LRP1B: variants seen among roughly 807,000 people sequenced by gnomAD.
LRP1B encodes LDL receptor related protein 1B, also known as low-density lipoprotein receptor-related protein 1B.
Under a neutral mutation model 556.6 loss-of-function variants are expected in LRP1B, and 217 were observed. The observed-to-expected ratio is 0.39, with a 90% confidence interval of 0.35 to 0.44. The LOEUF is 0.44. Ranked by LOEUF, LRP1B falls within the 20% of genes least tolerant of loss-of-function variation. The pLI, the probability that LRP1B is intolerant of heterozygous loss-of-function variation, is 1.00. For synonymous variants in LRP1B, 2,047 were observed against 1,865.8 expected (o/e 1.10, Z -2.50); for missense variants, 5,053 against 5,620.8 (o/e 0.90, Z 3.23).
intron 6 of LRP1B, among the ~76,000 whole-genome samples, chr2:141,212,464 T>C (rs1458851814): frequency 1.3e-5 from 2 of 150,716 alleles, no homozygotes; most frequent in East Asian, 3.9e-4. Flanking sequence ...TTTTTGTATT[T>C]TAGTAGGGAC....
intron 66 of LRP1B, among the ~76,000 whole-genome samples, chr2:140,412,403 A>T (rs1387524942): frequency 6.6e-6 from 1 of 152,078 alleles, no homozygotes; most frequent in East Asian, 1.9e-4. Flanking sequence ...TCTTAAATGG[A>T]CTAGATATAT....
At chr2:141,404,941 A>G (rs539443800) in intron 3 of LRP1B, among the ~76,000 whole-genome samples, 88 of 152,130 alleles carry the variant, frequency 5.8e-4, no homozygotes, top group Middle Eastern at 6.8e-3. Context: ...CACGAAGAAT[A>G]GTTAGCTGGG....
intron 32 of LRP1B, among the ~76,000 whole-genome samples, chr2:140,803,962 A>G (rs1690619433): frequency 6.6e-6 from 1 of 150,396 alleles, no homozygotes; most frequent in Non-Finnish European, 1.5e-5. Context: ...TGAGAGAAGA[A>G]AAGGTAGGGA....
At chr2:140,527,683 GT>G (rs5834754) in intron 47 of LRP1B, among the ~76,000 whole-genome samples, 150,079 of 151,762 alleles carry the variant, frequency 0.99, 74,223 homozygotes, top group Middle Eastern at 1. Flanking sequence ...ACGGAAAAAA[GT>G]TTTTTTTCTT....
chr2:141,536,843 G>T (rs1324317613), intron 2 of LRP1B, among the ~76,000 whole-genome samples: 1 of 151,888 alleles, frequency 6.6e-6, no homozygotes, highest in Non-Finnish European at 1.5e-5. Flanking sequence ...TATTTAATTA[G>T]AATCAATGAA....
rs529047674 is a variant in LRP1B at position 140,311,385 on chromosome 2, A to G, written c.12805+3550T>C. ...ATAAAATCATGTTTTTTGTAGTAAC[A>G]TGGATGAAACTGAAGGCCATTATCT... On this transcript the variant is annotated intron_variant, in intron 83 of 90. Coordinates refer to ENST00000389484, the MANE Select transcript of LRP1B (RefSeq NM_018557.3). 4.6e-5 allele frequency among the ~76,000 whole-genome samples: 7 copies of G among 152,002 alleles called. No individual in the cohort carries two copies. The East Asian group carries it at 1.2e-3, about 25-fold the overall frequency.
At chr2:140,663,635 G>A (rs1230921009) in intron 41 of LRP1B, among the ~76,000 whole-genome samples, 1 of 152,120 alleles carries the variant, frequency 6.6e-6, no homozygotes, top group Admixed American at 6.5e-5. Context: ...TGGGAATGTC[G>A]TGGCTGGTTT....
At chr2:141,782,734 T>C (rs374402519) in intron 2 of LRP1B, among the ~76,000 whole-genome samples, 1 of 152,006 alleles carries the variant, frequency 6.6e-6, no homozygotes. Flanking sequence ...GAGCATATGG[T>C]CAATGAGGAA....
Position 141,726,310 on chromosome 2 carries a change from A to C in LRP1B, c.205+83969T>G, listed in dbSNP as rs921285980. ...TTAATTATTATAATCTCTGGGTAAG[A>C]GGTAATTTTAAAAAAAAATTATTTT... On this transcript the variant is annotated intron_variant, in intron 2 of 90. Coordinates refer to ENST00000389484, the MANE Select transcript of LRP1B (RefSeq NM_018557.3). Among the ~76,000 whole-genome samples the C allele has an allele frequency of 6.6e-5, 10 of 151,628 alleles. No individual in the cohort carries two copies. In the East Asian group the frequency reaches 1.9e-3, roughly 29 times the overall value.
At chr2:140,652,407 A>G (rs577045995) in intron 41 of LRP1B, among the ~76,000 whole-genome samples, 32 of 152,222 alleles carry the variant, frequency 2.1e-4, no homozygotes, top group Middle Eastern at 3.4e-3. Flanking sequence ...TAATGAAAAT[A>G]TTGCACAAGA....
At chr2:140,824,086 C>T (rs1559140378) in intron 31 of LRP1B, among the ~76,000 whole-genome samples, 2 of 149,194 alleles carry the variant, frequency 1.3e-5, no homozygotes, top group Non-Finnish European at 3.0e-5. Flanking sequence ...ACCTCTGAAC[C>T]TAAAACAAAA....
At chr2:141,689,800 T>C (rs1216553210) in intron 2 of LRP1B, among the ~76,000 whole-genome samples, 5 of 151,788 alleles carry the variant, frequency 3.3e-5, no homozygotes, top group African/African-American at 1.2e-4. Context: ...TATTTTAGGA[T>C]AGAATAAACA....
At chr2:142,055,444 T>G (rs997731751) in intron 1 of LRP1B, among the ~76,000 whole-genome samples, 3 of 152,084 alleles carry the variant, frequency 2.0e-5, no homozygotes, top group African/African-American at 7.2e-5. Flanking sequence ...AAAAATGTAA[T>G]GGGAAGAAAT....
chr2:141,917,124 A>G (rs1054372517), intron 1 of LRP1B, among the ~76,000 whole-genome samples: 2 of 152,190 alleles, frequency 1.3e-5, no homozygotes, highest in Admixed American at 6.5e-5. Context: ...ATGAAGAGAG[A>G]TAAATTGAGA....
At chr2:140,627,028 CT>C (rs1166112192) in intron 41 of LRP1B, among the ~76,000 whole-genome samples, 1 of 152,118 alleles carries the variant, frequency 6.6e-6, no homozygotes, top group Non-Finnish European at 1.5e-5. Flanking sequence ...GTAAGAAGTA[CT>C]TTTAGCCTAG....
intron 2 of LRP1B, among the ~76,000 whole-genome samples, chr2:141,734,108 A>C (rs1187670446): frequency 1.3e-5 from 2 of 152,160 alleles, no homozygotes; most frequent in Non-Finnish European, 2.9e-5. Context: ...AATTAAAAAA[A>C]ATTAACCTTT....
At chr2:142,127,599 A>G (rs1707700949) in intron 1 of LRP1B, among the ~76,000 whole-genome samples, 1 of 152,022 alleles carries the variant, frequency 6.6e-6, no homozygotes, top group African/African-American at 2.4e-5. Flanking sequence ...ACAAATTCAA[A>G]GATTAGCAAC....
chr2:142,045,620 A>G (rs2105222549), intron 1 of LRP1B, among the ~76,000 whole-genome samples: 1 of 152,058 alleles, frequency 6.6e-6, no homozygotes, highest in Admixed American at 6.6e-5. Flanking sequence ...TGCAACTATT[A>G]TAATAATCAA....
intron 7 of LRP1B, among the ~76,000 whole-genome samples, chr2:141,123,729 A>C (rs564136871): frequency 6.6e-6 from 1 of 152,240 alleles, no homozygotes; most frequent in African/African-American, 2.4e-5. Context: ...TTCATAATTA[A>C]AATTCTCACG....
Sources: gnomAD v4.1 joint callset for allele counts (sites outside exome capture counted in the v4.1 genomes callset) on GRCh38, gnomAD v4.1.1 for gene constraint, MANE v1.5 for transcripts, NCBI Gene and HGNC (gene_info 2026-07-23, HGNC 2026-07-21) for gene names.